Variants in STK32A observed in about 807,000 individuals in gnomAD.
The protein encoded by STK32A is serine/threonine-protein kinase 32A.
A neutral mutation model predicts 53.2 loss-of-function variants in STK32A; 41 were observed. The ratio of observed to expected loss-of-function variants is 0.77; its 90% CI spans 0.60 to 1.00. The LOEUF is 1.00. Among genes scored for constraint, STK32A ranks in the 50% least tolerant of loss-of-function variants. STK32A has a pLI of 0.00. For missense variants in STK32A, 458 were observed against 485.8 expected, an observed-to-expected ratio of 0.94 and a Z score of 0.54; for synonymous variants, 166 against 162.8, an observed-to-expected ratio of 1.02 and a Z score of -0.15.
chr5:147,337,086 G>A (rs1755170089), intron 5 of STK32A, among the ~76,000 whole-genome samples: 1 of 152,188 alleles, frequency 6.6e-6, no homozygotes, highest in South Asian at 2.1e-4. Flanking sequence ...CTAATGTCTT[G>A]TAAAGTCATT....
the STK32A span, chr5:147,394,032 T>G: frequency 6.2e-7 from 1 of 1,614,066 alleles, no homozygotes; most frequent in East Asian, 2.2e-5. Context: ...GAGGAAGGCT[T>G]GCTTAACTCA....
chr5:147,346,752 A>G (rs1003732382), intron 6 of STK32A, among the ~76,000 whole-genome samples: 4 of 152,088 alleles, frequency 2.6e-5, no homozygotes, highest in Non-Finnish European at 5.9e-5. Flanking sequence ...AAATTCTTGT[A>G]TTTTTCTTAT....
At chr5:147,359,280 T>C (rs1756391707) in intron 7 of STK32A, among the ~76,000 whole-genome samples, 1 of 152,152 alleles carries the variant, frequency 6.6e-6, no homozygotes, top group Non-Finnish European at 1.5e-5. Context: ...TTGTATGTTG[T>C]CATAAGGTTT....
intron 8 of STK32A, among the ~76,000 whole-genome samples, chr5:147,370,267 ATAAT>A (rs1158028810): frequency 1.1e-4 from 16 of 152,286 alleles, no homozygotes; most frequent in Admixed American, 1.0e-3. Flanking sequence ...CCCTTACATA[ATAAT>A]TTTTTAGACT....
the STK32A span, chr5:147,397,746 C>A: frequency 6.2e-7 from 1 of 1,614,168 alleles, no homozygotes; most frequent in Non-Finnish European, 8.5e-7. Context: ...CCCTGGGTCA[C>A]GTGCAGGTTG....
intron 5 of STK32A, among the ~76,000 whole-genome samples, chr5:147,337,248 A>G (rs1040315265): frequency 3.2e-4 from 48 of 152,198 alleles, no homozygotes; most frequent in African/African-American, 9.9e-4. Flanking sequence ...AGATGCAATG[A>G]AGAATTTCCA....
At chr5:147,358,737 AT>A (rs970141947) in intron 7 of STK32A, among the ~76,000 whole-genome samples, 21 of 151,496 alleles carry the variant, frequency 1.4e-4, no homozygotes, top group South Asian at 4.2e-4. Flanking sequence ...CAAGGCATAG[AT>A]TTTTTTTTGC....
intron 2 of STK32A, among the ~76,000 whole-genome samples, chr5:147,268,354 T>C (rs548133771): frequency 8.3e-4 from 126 of 152,270 alleles, no homozygotes; most frequent in Admixed American, 6.8e-3. Flanking sequence ...TTTGCAGGAT[T>C]TCCCTGGACT....
At chr5:147,381,014 G>A (rs184468804) in intron 11 of STK32A, among the ~76,000 whole-genome samples, 115 of 152,042 alleles carry the variant, frequency 7.6e-4, no homozygotes, top group African/African-American at 2.6e-3. Flanking sequence ...TTATTTCTCC[G>A]TATAGTTTCA....
chr5:147,258,244 G>A (rs910816738), intron 2 of STK32A, among the ~76,000 whole-genome samples: 3 of 151,154 alleles, frequency 2.0e-5, no homozygotes, highest in Non-Finnish European at 4.4e-5. Context: ...CAGAAAAACT[G>A]TATGATACCC....
chr5:147,275,184 ATCTCTC>A (rs143074943), intron 2 of STK32A, among the ~76,000 whole-genome samples: 6 of 150,426 alleles, frequency 4.0e-5, no homozygotes, highest in Non-Finnish European at 3.0e-5. Flanking sequence ...TTCTGACTTC[ATCTCTC>A]TCTCTCTCTC....
chr5:147,266,085 A>G (rs1754796059), intron 2 of STK32A, among the ~76,000 whole-genome samples: 1 of 152,240 alleles, frequency 6.6e-6, no homozygotes, highest in African/African-American at 2.4e-5. Flanking sequence ...TTCTGTTGCC[A>G]TAATGAGGTA....
chr5:147,324,173 G>A (rs186874719), intron 5 of STK32A, 102 bp downstream of exon 5: 115 of 1,211,572 alleles, frequency 9.5e-5, no homozygotes, highest in Middle Eastern at 7.6e-4. Flanking sequence ...TTTAATCCCC[G>A]TTTAATTCTT....
At chr5:147,363,197 A>G (rs1756589740) in intron 8 of STK32A, among the ~76,000 whole-genome samples, 1 of 152,216 alleles carries the variant, frequency 6.6e-6, no homozygotes, top group Non-Finnish European at 1.5e-5. Flanking sequence ...ACATTTCAAA[A>G]GAGAAATGGG....
intron 7 of STK32A, among the ~76,000 whole-genome samples, chr5:147,355,610 G>A (rs1255172949): frequency 1.3e-5 from 2 of 151,962 alleles, no homozygotes; most frequent in Non-Finnish European, 2.9e-5. Flanking sequence ...CCCGGGAGGC[G>A]GAGCTCGCAG....
chr5:147,383,474 C>T lies in STK32A; in HGVS notation c.1066C>T (p.Gln356Ter). The change falls in exon 12 of 13, where the codon CAG (glutamine) becomes TAG (stop). Residue 356 changes from glutamine (Q) to a stop codon, truncating the protein, a stop_gained. Transcript: ENST00000397936. LOFTEE classifies it high-confidence loss of function. ...TCTTCAAGAGCACCTTGACTCTGTCCAGAAGGAGTTCATAATTTTCAACAG... is the reference window on the plus strand; with the variant it reads ...TCTTCAAGAGCACCTTGACTCTGTCTAGAAGGAGTTCATAATTTTCAACAG... ...CLLQEHLDSV[Q>*]KEFIIFNREK... The T allele has an allele frequency of 3.1e-6, 5 of 1,597,106 alleles. No homozygotes were observed. Among genetic ancestry groups the T allele is most frequent in the East Asian group, 2.3e-5 (1 of 44,302 alleles).
chr5:147,279,460 T>A (rs891596629), intron 4 of STK32A, 62 bp downstream of exon 4: 156 of 1,463,732 alleles, frequency 1.1e-4, no homozygotes, highest in Non-Finnish European at 1.3e-4. Context: ...CTAGGGGAGG[T>A]CCCCAAATGC....
In STK32A at chr5:147,361,498, A is replaced by C; in HGVS notation, c.563-19A>C. On this transcript the variant is annotated intron_variant, in intron 7 of 12. Transcript: ENST00000397936. Reference sequence around the variant, plus strand: ...ATGTCTCAGGGAATCAAACTGGTTTAATTTTTCGTGTTTTTCAGCACCTGA... The same window carrying C: ...ATGTCTCAGGGAATCAAACTGGTTTCATTTTTCGTGTTTTTCAGCACCTGA... 6.4e-7 allele frequency: 1 copy of C among 1,570,672 alleles called. No individual in the cohort carries two copies. The highest frequency in any genetic ancestry group is 1.1e-5 in the South Asian group (1 of 88,246).
At chr5:147,299,650 T>C (rs1561703273) in intron 4 of STK32A, among the ~76,000 whole-genome samples, 1 of 152,164 alleles carries the variant, frequency 6.6e-6, no homozygotes, top group Non-Finnish European at 1.5e-5. Flanking sequence ...GTATAGCATT[T>C]ATTGGGGCTC....
Sources: allele counts gnomAD v4.1 joint callset (sites outside exome capture counted in the v4.1 genomes callset), GRCh38; gene constraint gnomAD v4.1.1; transcripts MANE v1.5; gene names NCBI Gene and HGNC (gene_info 2026-07-23, HGNC 2026-07-21).